PIK3R3: variants seen among roughly 807,000 people sequenced by gnomAD.
PIK3R3 encodes phosphatidylinositol 3-kinase regulatory subunit gamma.
Under a neutral mutation model 62.9 loss-of-function variants are expected in PIK3R3, and 64 were observed. The observed-to-expected ratio is 1.02, with a 90% CI of 0.83 to 1.25. PIK3R3 has a LOEUF of 1.25. PIK3R3 is among the 50% of genes most tolerant of loss of function. PIK3R3 has a pLI of 0.00. For synonymous variants in PIK3R3, 165 were observed against 189.0 expected, an observed-to-expected ratio of 0.87 and a Z score of 1.04; for missense variants, 614 against 561.6, an observed-to-expected ratio of 1.09 and a Z score of -0.94.
At chr1:46,090,016 C>T (rs1224901317) in intron 1 of PIK3R3, among the ~76,000 whole-genome samples, 2 of 152,132 alleles carry the variant, frequency 1.3e-5, no homozygotes, top group East Asian at 3.8e-4. Flanking sequence ...TTAAGTGTTG[C>T]CCCTAGGGGC....
chr1:46,156,811 G>A, the PIK3R3 span, among the ~76,000 whole-genome samples: 5,698 of 152,184 alleles, frequency 0.037, 347 homozygotes, highest in African/African-American at 0.13. Context: ...AGCATGATCG[G>A]CCATGAGTTC....
chr1:46,140,682 A>G, the PIK3R3 span, among the ~76,000 whole-genome samples: 2 of 152,140 alleles, frequency 1.3e-5, no homozygotes, highest in African/African-American at 4.8e-5. Context: ...AAGGAACACT[A>G]AGAATTGCTT....
intron 6 of PIK3R3, among the ~76,000 whole-genome samples, chr1:46,059,729 G>A (rs1221937399): frequency 6.6e-6 from 1 of 152,188 alleles, no homozygotes; most frequent in Non-Finnish European, 1.5e-5. Context: ...AGGAGGTTGA[G>A]GCTGCAGTGA....
intron 1 of PIK3R3, among the ~76,000 whole-genome samples, chr1:46,102,023 C>T (rs369683677): frequency 3.0e-4 from 35 of 114,762 alleles, no homozygotes; most frequent in African/African-American, 9.1e-4. Context: ...GTCTCGCTGT[C>T]GCCCAGGCTG....
At chr1:46,132,763 C>T (rs952129547), upstream of PIK3R3, 8 of 1,279,680 alleles carry the variant, frequency 6.3e-6, no homozygotes, top group East Asian at 2.3e-4. Flanking sequence ...GCCCCTTCCA[C>T]GCCGTCCCGC....
chr1:46,070,450 G>T (rs560141931), intron 3 of PIK3R3, among the ~76,000 whole-genome samples: 12 of 152,214 alleles, frequency 7.9e-5, no homozygotes, highest in Non-Finnish European at 1.6e-4. Context: ...AAGTTCTATA[G>T]TTAAAAGTGG....
intron 3 of PIK3R3, among the ~76,000 whole-genome samples, chr1:46,071,501 A>G (rs949480808): frequency 2.3e-4 from 35 of 150,894 alleles, no homozygotes; most frequent in African/African-American, 7.1e-4. Context: ...TTCAAGACCA[A>G]CCTGGCCAAC....
the PIK3R3 span, among the ~76,000 whole-genome samples, chr1:46,172,948 G>A: frequency 2.6e-5 from 4 of 151,984 alleles, no homozygotes; most frequent in Non-Finnish European, 4.4e-5. Context: ...AGACAAGATT[G>A]CGCCACTGCA....
chr1:46,148,967 G>A, the PIK3R3 span, among the ~76,000 whole-genome samples: 3 of 152,138 alleles, frequency 2.0e-5, no homozygotes, highest in African/African-American at 7.2e-5. Context: ...CATAGAATGA[G>A]ACAGGAGGGC....
rs771394487 is a variant in PIK3R3 at position 46,131,980 on chromosome 1, G to T, written c.-28C>A. The T allele has an allele frequency of 6.2e-7, 1 of 1,608,694 alleles. No individual in the cohort carries two copies. Among genetic ancestry groups the T allele is most frequent in the African/African-American group, 1.3e-5 (1 of 74,460 alleles). Reference sequence around the variant, plus strand: ...CGCTGTCAGGGGCAGGTCGCCAGGAGATATATAGAAGGCATATATTTTTTA... The same window carrying T: ...CGCTGTCAGGGGCAGGTCGCCAGGATATATATAGAAGGCATATATTTTTTA... On this transcript the variant is annotated 5_prime_UTR_variant, in exon 1 of 10. Transcript: ENST00000262741.
In PIK3R3 at chr1:46,080,643, T is replaced by C; in HGVS notation, c.214A>G (p.Arg72Gly). 1.9e-6 allele frequency: 3 copies of C among 1,581,652 alleles called. No individual in the cohort carries two copies. Among genetic ancestry groups the C allele is most frequent in the Non-Finnish European group, 2.6e-6 (3 of 1,153,578 alleles). Residue 72 changes from arginine (R) to glycine (G), a missense_variant and splice_region_variant, in exon 2 of 10, where the codon AGG (arginine) becomes GGG (glycine). By Grantham distance (125) the Arg-to-Gly change is moderately radical (BLOSUM62 -2). Coordinates refer to ENST00000262741, the MANE Select transcript of PIK3R3 (RefSeq NM_003629.4). ...DAEWYWGDIS[R>G]EEVNDKLRDM... is the part of the protein sequence containing the mutation. ...CAATTACAGTAGCATTCTAGTTACC[T>C]TGAAATATCCCCCCAGTACCATTCT...
the PIK3R3 span, among the ~76,000 whole-genome samples, chr1:46,172,879 G>C: frequency 2.0e-5 from 3 of 152,120 alleles, no homozygotes; most frequent in African/African-American, 7.2e-5. Context: ...TGTAGTCCCA[G>C]CTACTAGGGA....
intron 1 of PIK3R3, among the ~76,000 whole-genome samples, chr1:46,113,523 CAA>C (rs976429398): frequency 2.0e-5 from 3 of 152,034 alleles, no homozygotes; most frequent in South Asian, 2.1e-4. Context: ...CTCCTCAGCT[CAA>C]GAGATCCTCC....
chr1:46,077,396 T>A, intron 3 of PIK3R3, 119 bp downstream of exon 3: 1 of 480,346 alleles, frequency 2.1e-6, no homozygotes, highest in Non-Finnish European at 3.7e-6. Context: ...ATTATGTACA[T>A]AAATTAAATG....
chr1:46,147,170 A>G, the PIK3R3 span, among the ~76,000 whole-genome samples: 1 of 152,154 alleles, frequency 6.6e-6, no homozygotes, highest in Non-Finnish European at 1.5e-5. Flanking sequence ...GTGCATTGAC[A>G]TGATCTCGGC....
At chr1:46,069,500 C>T (rs1023940913) in intron 3 of PIK3R3, among the ~76,000 whole-genome samples, 1 of 144,152 alleles carries the variant, frequency 6.9e-6, no homozygotes, top group Non-Finnish European at 1.5e-5. Context: ...GCCAGGGGTA[C>T]AGAGTAAGAT....
At chr1:46,142,796 G>A in the PIK3R3 span, among the ~76,000 whole-genome samples, 2 of 152,176 alleles carry the variant, frequency 1.3e-5, no homozygotes, top group African/African-American at 4.8e-5. Context: ...CTACAGGGTA[G>A]GCATGAAGAG....
chr1:46,066,627 C>T lies in PIK3R3; in HGVS notation c.495+284G>A, dbSNP rs187865105. On this transcript the variant is annotated intron_variant, in intron 4 of 9. Transcript: ENST00000262741. ...TTGAGCCCAGGAGTTCAAGACTAGC[C>T]TGGGCAACATGGCAAGACCCTGAAG... 2.0e-4 allele frequency among the ~76,000 whole-genome samples: 31 copies of T among 152,162 alleles called. 1 individual carries two copies. Among genetic ancestry groups the T allele is most frequent in the Non-Finnish European group, 2.9e-5 (2 of 67,994 alleles).
At chr1:46,167,097 C>A in the PIK3R3 span, among the ~76,000 whole-genome samples, 1 of 152,264 alleles carries the variant, frequency 6.6e-6, no homozygotes, top group Non-Finnish European at 1.5e-5. Context: ...ACCCTAGCTG[C>A]GGGACTCTAG....
Sources: allele counts gnomAD v4.1 joint callset (sites outside exome capture counted in the v4.1 genomes callset), GRCh38; gene constraint gnomAD v4.1.1; transcripts MANE v1.5; gene names NCBI Gene and HGNC (gene_info 2026-07-23, HGNC 2026-07-21).